The following SERHL2 variants were observed in gnomAD, a reference collection of about 807,000 sequenced individuals.
SERHL2 encodes the protein serine hydrolase-like protein 2.
SERHL2 carries 29 observed loss-of-function variants against 25.5 expected under a neutral mutation model. That is an observed-to-expected ratio of 1.14 (90% CI 0.85 to 1.55). The LOEUF (loss-of-function observed/expected upper bound fraction) is 1.55. SERHL2 is among the 40% of genes most tolerant of loss of function. The pLI is 0.00. For synonymous variants in SERHL2, 95 were observed against 103.5 expected, an observed-to-expected ratio of 0.92 and a Z score of 0.50; for missense variants, 240 against 252.3, an observed-to-expected ratio of 0.95 and a Z score of 0.33.
intron 9 of SERHL2, among the ~76,000 whole-genome samples, chr22:42,568,838 C>T (rs1211917146): frequency 6.6e-6 from 1 of 151,776 alleles, no homozygotes; most frequent in Non-Finnish European, 1.5e-5. Flanking sequence ...TGGTGGCACA[C>T]ACCTGTAGTC....
intron 8 of SERHL2, among the ~76,000 whole-genome samples, chr22:42,562,948 A>G (rs1922867946): frequency 6.6e-6 from 1 of 151,904 alleles, no homozygotes; most frequent in South Asian, 2.1e-4. Context: ...TAATCCCAGC[A>G]CTTTGGGAGT....
At chr22:42,573,719 C>T (rs1924598678) in intron 11 of SERHL2, 1 of 607,688 alleles carries the variant, frequency 1.6e-6, no homozygotes, top group African/African-American at 1.9e-5. Context: ...CTGGCCTAGA[C>T]CCCTGGGAGG....
At chr22:42,572,269 T>G (rs909253560) in intron 10 of SERHL2, among the ~76,000 whole-genome samples, 167 bp from the exon 11 acceptor site, 1 of 152,038 alleles carries the variant, frequency 6.6e-6, no homozygotes, top group African/African-American at 2.4e-5. Flanking sequence ...GAGCTGAGAT[T>G]AACTGAGCCT....
In SERHL2 at chr22:42,564,074, G is replaced by GAA. The variant is rs917644801; in HGVS notation, c.614-2221_614-2220dup. Among the ~76,000 whole-genome samples, 17 of 146,208 alleles carry GAA rather than the reference G, an allele frequency of 1.2e-4. 1 individual carries two copies. The highest frequency in any genetic ancestry group is 2.1e-4 in the Non-Finnish European group (14 of 66,242). On this transcript the variant is annotated intron_variant, in intron 8 of 11. Coordinates refer to ENST00000327678, the MANE Select transcript of SERHL2 (RefSeq NM_014509.5). ...GCAACAAGAGTGAAACTTCGTCTCA[G>GAA]AAAAAAAAAAGACAAGAAAAAACAT...
intron 9 of SERHL2, chr22:42,569,756 G>A (rs1314110139): frequency 6.6e-6 from 1 of 151,726 alleles, no homozygotes; most frequent in Non-Finnish European, 1.5e-5. Context: ...GGTCATTTTA[G>A]TCTGAGAAGC....
At chr22:42,559,921 C>G (rs954729096) in intron 7 of SERHL2, among the ~76,000 whole-genome samples, 10 of 151,836 alleles carry the variant, frequency 6.6e-5, no homozygotes, top group African/African-American at 2.4e-4. Context: ...AAGTGATTCT[C>G]ATGCCTCAGC....
chr22:42,569,504 C>A (rs2098018394), intron 9 of SERHL2: 1 of 151,930 alleles, frequency 6.6e-6, no homozygotes, highest in African/African-American at 2.4e-5. Flanking sequence ...AGGCGATCCA[C>A]CTGCCTCAGC....
Position 42,560,104 on chromosome 22 carries a change from C to T in SERHL2, c.534-82C>T, listed in dbSNP as rs1030238560. ...TGGGATTACAGGCATGAGCCACCGT[C>T]CCCCCCGGCCCTCCTCTCCTTTTTA... On this transcript the variant is annotated intron_variant, in intron 7 of 11. Transcript: ENST00000327678. 5 of 966,544 alleles carry T rather than the reference C, an allele frequency of 5.2e-6. No homozygotes were observed. The East Asian group carries it at 7.4e-5, about 14-fold the overall frequency. 59.9% of individuals were successfully genotyped at this position (966,544 alleles called of 1,614,324 possible).
At chr22:42,554,611 G>T (rs1348525765) in intron 1 of SERHL2, among the ~76,000 whole-genome samples, 5 of 152,106 alleles carry the variant, frequency 3.3e-5, no homozygotes, top group Non-Finnish European at 7.3e-5. Context: ...CTTCTCCAAG[G>T]TTACCCAGCC....
intron 8 of SERHL2, among the ~76,000 whole-genome samples, chr22:42,560,470 G>A (rs533690443): frequency 1.3e-5 from 2 of 151,934 alleles, no homozygotes; most frequent in Non-Finnish European, 2.9e-5. Context: ...AGGCCATACA[G>A]TTACTGCACA....
rs780512558 is a variant in SERHL2, at chr22:42,563,071, T to A, written c.613+2806T>A. Among the ~76,000 whole-genome samples, 20 of 151,920 alleles carry A rather than the reference T, an allele frequency of 1.3e-4. 1 individual carries two copies. The highest frequency in any genetic ancestry group is 3.3e-4 in the Admixed American group (5 of 15,264). ...AATAAACGGCATGGTGGCACACCTG[T>A]GGTCCCAGCTACTTAGGAGGCTGAA... On this transcript the variant is annotated intron_variant, in intron 8 of 11. Coordinates refer to ENST00000327678, the MANE Select transcript of SERHL2 (RefSeq NM_014509.5).
chr22:42,560,325 C>A, intron 8 of SERHL2, 60 bp downstream of exon 8: 1 of 1,310,208 alleles, frequency 7.6e-7, no homozygotes, highest in South Asian at 1.2e-5. Flanking sequence ...CCGAGGATGT[C>A]AAGGACTTGC....
chr22:42,567,762 C>T (rs1326197472), intron 9 of SERHL2, among the ~76,000 whole-genome samples: 25 of 150,484 alleles, frequency 1.7e-4, no homozygotes, highest in Non-Finnish European at 1.5e-5. Context: ...CAGAGTCTCG[C>T]TCTTGTTGCA....
chr22:42,564,097 C>T (rs984002102), intron 8 of SERHL2, among the ~76,000 whole-genome samples: 15 of 151,528 alleles, frequency 9.9e-5, no homozygotes, highest in Non-Finnish European at 1.9e-4. Flanking sequence ...CAAGAAAAAA[C>T]ATGTCTTTTG....
At position 42,562,274 on chromosome 22, in the gene SERHL2, C is replaced by CA. The variant is rs573792118; in HGVS notation, c.613+2009_613+2010insA. On this transcript the variant is annotated intron_variant, in intron 8 of 11. Coordinates refer to ENST00000327678, the MANE Select transcript of SERHL2 (RefSeq NM_014509.5). ...GGCCCCTGAGAGTTCACATTCTATT[C>CA]TGAACTGGGATAACTTCCCTTCCCT... Among the ~76,000 whole-genome samples the CA allele has an allele frequency of 7.0e-4, 106 of 151,922 alleles. 2 individuals carry two copies. In the East Asian group the frequency reaches 0.014, roughly 20 times the overall value.
At chr22:42,562,679 T>C (rs137027) in intron 8 of SERHL2, among the ~76,000 whole-genome samples, 131,048 of 151,730 alleles carry the variant, frequency 0.86, 57,108 homozygotes, top group East Asian at 1. Flanking sequence ...GAGCTGCTCC[T>C]ACGGACTCCA....
intron 8 of SERHL2, among the ~76,000 whole-genome samples, chr22:42,562,231 G>A (rs1922774948): frequency 6.6e-6 from 1 of 151,792 alleles, no homozygotes; most frequent in South Asian, 2.1e-4. Flanking sequence ...CCTCCCAAAT[G>A]CTTCCCTCCA....
chr22:42,567,711 T>C (rs1170057953), intron 9 of SERHL2, among the ~76,000 whole-genome samples: 1 of 147,910 alleles, frequency 6.8e-6, no homozygotes, highest in Non-Finnish European at 1.5e-5. Flanking sequence ...AAGTTCGATT[T>C]TTCTTTAATT....
At chr22:42,562,681 C>T (rs137028) in intron 8 of SERHL2, among the ~76,000 whole-genome samples, 24,134 of 151,826 alleles carry the variant, frequency 0.16, 2,540 homozygotes, top group African/African-American at 0.28. Context: ...GCTGCTCCTA[C>T]GGACTCCAGG....
Sources: gnomAD v4.1 joint callset for allele counts (sites outside exome capture counted in the v4.1 genomes callset) on GRCh38, gnomAD v4.1.1 for gene constraint, MANE v1.5 for transcripts, NCBI Gene and HGNC (gene_info 2026-07-23, HGNC 2026-07-21) for gene names.